BANF2: variants seen among roughly 807,000 people sequenced by gnomAD.
BANF2 encodes the protein BANF family member 2.
BANF2 carries 4 observed loss-of-function variants against 8.0 expected under a neutral mutation model. The ratio of observed to expected loss-of-function variants is 0.50; its 90% confidence interval spans 0.25 to 1.14. The LOEUF is 1.14. Ranked by LOEUF, BANF2 falls within the 50% of genes most tolerant of loss-of-function variation. BANF2 has a pLI of 0.16. For synonymous variants in BANF2, 50 were observed against 40.6 expected, an observed-to-expected ratio of 1.23 and a Z score of -0.88; for missense variants, 96 against 107.5, an observed-to-expected ratio of 0.89 and a Z score of 0.47.
chr20:17,698,911 G>A (rs891892734), upstream of BANF2, among the ~76,000 whole-genome samples: 2 of 152,178 alleles, frequency 1.3e-5, no homozygotes, highest in African/African-American at 4.8e-5. Context: ...CCATCAGCTG[G>A]CAATACTATT....
intron 1 of BANF2, among the ~76,000 whole-genome samples, chr20:17,716,258 G>A (rs1184275812): frequency 6.6e-6 from 1 of 152,186 alleles, no homozygotes; most frequent in Admixed American, 6.5e-5. Flanking sequence ...GGTCTCCTCA[G>A]ACCCTTAACA....
At chr20:17,700,781 A>C (rs2037395293) in intron 1 of BANF2, among the ~76,000 whole-genome samples, 1 of 152,026 alleles carries the variant, frequency 6.6e-6, no homozygotes, top group Non-Finnish European at 1.5e-5. Flanking sequence ...GTGGTTTGAG[A>C]CTCAAGGCCT....
chr20:17,693,755 C>T (rs1464387399), intron 1 of BANF2: 62 of 1,546,958 alleles, frequency 4.0e-5, no homozygotes, highest in African/African-American at 9.6e-5. Context: ...GAAGAGACGG[C>T]GGGGAAAGGA....
chr20:17,709,521 C>T (rs2037537553), intron 1 of BANF2, among the ~76,000 whole-genome samples: 3 of 152,210 alleles, frequency 2.0e-5, no homozygotes, highest in Admixed American at 6.5e-5. Context: ...CACCACTGCA[C>T]AGCTCCACCT....
At chr20:17,733,746 C>T (rs2037936108) in intron 3 of BANF2, among the ~76,000 whole-genome samples, 1 of 152,136 alleles carries the variant, frequency 6.6e-6, no homozygotes, top group African/African-American at 2.4e-5. Flanking sequence ...AGTTCAGAAT[C>T]ACCACAAAAT....
chr20:17,702,294 TC>T (rs34642257), intron 1 of BANF2, among the ~76,000 whole-genome samples: 3 of 152,312 alleles, frequency 2.0e-5, no homozygotes, highest in Middle Eastern at 3.4e-3. Flanking sequence ...GATGCTGAAC[TC>T]CCTGTGGGCC....
chr20:17,707,391 G>A lies in BANF2; in HGVS notation c.-167+7336G>A, dbSNP rs372011715. ...GAGCGAGACTCTGTGTCAAAAAAAAGAAAATCCCAGTAAGGATTTAAGGGA... is the reference window on the plus strand; with the variant it reads ...GAGCGAGACTCTGTGTCAAAAAAAAAAAAATCCCAGTAAGGATTTAAGGGA... On this transcript the variant is annotated intron_variant, in intron 1 of 3. Coordinates refer to ENST00000246090, the MANE Select transcript of BANF2 (RefSeq NM_178477.5). Among the ~76,000 whole-genome samples the A allele has an allele frequency of 1.8e-3, 186 of 102,770 alleles. 1 individual carries two copies. The highest frequency in any genetic ancestry group is 6.2e-3 in the Middle Eastern group (1 of 162). 67.4% of individuals were successfully genotyped at this position (102,770 alleles called of 152,430 possible). A position where few individuals can be genotyped will look rare whatever the true frequency, so the allele number is the denominator to read the frequency against.
upstream of BANF2, among the ~76,000 whole-genome samples, chr20:17,694,984 T>A (rs2037334047): frequency 6.6e-6 from 1 of 151,946 alleles, no homozygotes; most frequent in Non-Finnish European, 1.5e-5. Flanking sequence ...ATTATATAGA[T>A]AAGAAAACTG....
intron 1 of BANF2, among the ~76,000 whole-genome samples, chr20:17,716,067 C>T (rs1256990125): frequency 3.9e-5 from 6 of 152,120 alleles, no homozygotes; most frequent in African/African-American, 1.4e-4. Flanking sequence ...CTCATGTGGC[C>T]CAAGAAGGTG....
chr20:17,705,294 C>A (rs536283603), intron 1 of BANF2, among the ~76,000 whole-genome samples: 23 of 152,280 alleles, frequency 1.5e-4, no homozygotes, highest in African/African-American at 5.1e-4. Context: ...AAAATTGTCC[C>A]AATTGATCAT....
At chr20:17,722,492 A>G (rs1002052103) in intron 1 of BANF2, among the ~76,000 whole-genome samples, 1 of 152,222 alleles carries the variant, frequency 6.6e-6, no homozygotes, top group African/African-American at 2.4e-5. Context: ...CTCAATCCCA[A>G]TTCATCATCC....
At chr20:17,704,662 A>G (rs2037455914) in intron 1 of BANF2, among the ~76,000 whole-genome samples, 1 of 152,130 alleles carries the variant, frequency 6.6e-6, no homozygotes, top group Non-Finnish European at 1.5e-5. Flanking sequence ...CTTCTTTAAC[A>G]TTTAATTATC....
upstream of BANF2, among the ~76,000 whole-genome samples, chr20:17,699,546 A>G (rs567455967): frequency 2.0e-5 from 3 of 152,306 alleles, no homozygotes; most frequent in South Asian, 4.1e-4. Context: ...TAGAAGAAAA[A>G]GCTGCCCTGG....
At chr20:17,703,765 A>G (rs1461255685) in intron 1 of BANF2, among the ~76,000 whole-genome samples, 1 of 128,690 alleles carries the variant, frequency 7.8e-6, no homozygotes, top group Non-Finnish European at 1.6e-5. Flanking sequence ...TTTTTTTGAC[A>G]GTGTCTTGCT....
chr20:17,715,852 T>G (rs970864164), intron 1 of BANF2, among the ~76,000 whole-genome samples: 4 of 152,220 alleles, frequency 2.6e-5, no homozygotes, highest in Non-Finnish European at 4.4e-5. Context: ...TTGCCTGACA[T>G]AATTGAAAAG....
At chr20:17,721,378 TTTTC>T (rs141981008) in intron 1 of BANF2, among the ~76,000 whole-genome samples, 95,213 of 145,168 alleles carry the variant, frequency 0.66, 31,743 homozygotes, top group East Asian at 0.79. Context: ...TTTTTTTTCT[TTTTC>T]TTTCTTTCTT....
chr20:17,699,903 C>A, upstream of BANF2: 1 of 848,396 alleles, frequency 1.2e-6, no homozygotes, highest in Non-Finnish European at 1.4e-6. Flanking sequence ...CACCCCCGAC[C>A]TGTGGTGTGA....
chr20:17,710,428 T>C (rs1473063981), intron 1 of BANF2, among the ~76,000 whole-genome samples: 1 of 152,150 alleles, frequency 6.6e-6, no homozygotes, highest in Admixed American at 6.5e-5. Flanking sequence ...GGAACAATTC[T>C]CTAATGTTGC....
chr20:17,705,059 T>G (rs1394656656), intron 1 of BANF2, among the ~76,000 whole-genome samples: 2 of 127,630 alleles, frequency 1.6e-5, no homozygotes, highest in Admixed American at 1.4e-4. Context: ...TGGCCAGGCC[T>G]GGTCATGTGT....
Sources: gnomAD v4.1 joint callset for allele counts (sites outside exome capture counted in the v4.1 genomes callset) on GRCh38, gnomAD v4.1.1 for gene constraint, MANE v1.5 for transcripts, NCBI Gene and HGNC (gene_info 2026-07-23, HGNC 2026-07-21) for gene names.